Variants in ADAMTS2 observed in about 807,000 individuals in gnomAD.
ADAMTS2 encodes the protein A disintegrin and metalloproteinase with thrombospondin motifs 2.
In ADAMTS2, 50 loss-of-function variants were observed where a neutral mutation model predicts 123.0. The observed-to-expected ratio is 0.41, with a 90% CI of 0.32 to 0.51. ADAMTS2 has a LOEUF of 0.51. ADAMTS2 is among the 20% of genes least tolerant of loss of function. The probability of loss-of-function intolerance (pLI) is 0.35; values close to 1 mark genes in which losing one functional copy is unlikely to be tolerated. For missense variants in ADAMTS2, 1,494 were observed against 1,705.2 expected, an observed-to-expected ratio of 0.88 and a Z score of 2.18; for synonymous variants, 678 against 695.4, an observed-to-expected ratio of 0.98 and a Z score of 0.39.
chr5:179,119,394 C>T (rs1377962888), intron 21 of ADAMTS2, among the ~76,000 whole-genome samples: 6 of 152,242 alleles, frequency 3.9e-5, no homozygotes, highest in African/African-American at 1.4e-4. Flanking sequence ...GCCTTCCACG[C>T]TTTCTTCCCT....
chr5:179,231,031 G>A (rs907391181), intron 3 of ADAMTS2, among the ~76,000 whole-genome samples: 1 of 151,934 alleles, frequency 6.6e-6, no homozygotes, highest in Admixed American at 6.5e-5. Flanking sequence ...AGCCGGGGGG[G>A]CTACCAAAAG....
chr5:179,345,191 T>G lies in ADAMTS2; in HGVS notation c.138A>C (p.Pro46=). 2 of 1,108,074 alleles carry G rather than the reference T, an allele frequency of 1.8e-6. No individual in the cohort carries two copies. Among genetic ancestry groups the G allele is most frequent in the East Asian group, 5.9e-5 (1 of 16,932 alleles). The allele number at this position is 1,108,074 out of a possible 1,614,324, so 68.6% of individuals were successfully genotyped here. The change falls in exon 1 of 22, where the codon CCA becomes CCC. Residue 46 remains proline, a splice_region_variant and synonymous_variant. Coordinates refer to ENST00000251582, the MANE Select transcript of ADAMTS2 (RefSeq NM_014244.5). This position sits in a 1 kb window ranked among gnomAD's most constrained non-coding sequence, Gnocchi z 7.5. Reference sequence around the variant, plus strand: ...GAGTAGGGGCCGGGCCGCACCTACCTGGGGGGTCGGCGGCGGCGGCGAGCC... The same window carrying G: ...GAGTAGGGGCCGGGCCGCACCTACCGGGGGGGTCGGCGGCGGCGGCGAGCC... ...NARLAAAADP[P]GGPLGHGAER...
In ADAMTS2 at chr5:179,139,872, G is replaced by T. The variant is rs199809828; in HGVS notation, c.1775+18C>A. 1.2e-5 allele frequency: 19 copies of T among 1,611,626 alleles called. No homozygotes were observed. The Admixed American group carries it at 2.5e-4, about 21-fold the overall frequency. On this transcript the variant is annotated intron_variant, in intron 11 of 21. Coordinates refer to ENST00000251582, the MANE Select transcript of ADAMTS2 (RefSeq NM_014244.5). ...AGCTGCCACTCAGCAAGGCCAGGGG[G>T]ACATGGGGCCAACTCACTGTGGGTT...
chr5:179,228,397 T>G lies in ADAMTS2; in HGVS notation c.689-20682A>C, dbSNP rs1345545709. 6.6e-6 allele frequency among the ~76,000 whole-genome samples: 1 copy of G among 152,156 alleles called. No individual in the cohort carries two copies. On this transcript the variant is annotated intron_variant, in intron 3 of 21. Coordinates refer to ENST00000251582, the MANE Select transcript of ADAMTS2 (RefSeq NM_014244.5). The surrounding 1 kb of genome is among the most constrained non-coding windows in gnomAD (Gnocchi z 5.2). ...CCAGAACCCAGTCTGGGCACCAGCC[T>G]GTTTTCTTGTCCTCTCCAGCCAGCA...
intron 3 of ADAMTS2, among the ~76,000 whole-genome samples, chr5:179,243,038 G>T (rs1381166123): frequency 6.6e-6 from 1 of 151,960 alleles, no homozygotes; most frequent in Admixed American, 6.6e-5. Flanking sequence ...GCTACCTCCT[G>T]CCCAATACCT....
intron 21 of ADAMTS2, 54 bp downstream of exon 21, chr5:179,121,607 G>A (rs1252577749): frequency 1.4e-6 from 2 of 1,457,012 alleles, no homozygotes; most frequent in Non-Finnish European, 1.9e-6. Context: ...AAGCTCCACA[G>A]GGCGCAGGGC....
intron 2 of ADAMTS2, among the ~76,000 whole-genome samples, chr5:179,278,204 G>A (rs1184551442): frequency 7.0e-6 from 1 of 142,560 alleles, no homozygotes; most frequent in East Asian, 2.1e-4. Flanking sequence ...AAGACCATCA[G>A]CTGACGTCCT....
At chr5:179,299,486 A>AGTGAG (rs1756446004) in intron 2 of ADAMTS2, among the ~76,000 whole-genome samples, 3 of 145,614 alleles carry the variant, frequency 2.1e-5, no homozygotes, top group African/African-American at 5.1e-5. Context: ...CCAAGATCAC[A>AGTGAG]CCACAGCACT....
In ADAMTS2 at chr5:179,188,644, C is replaced by T. The variant is rs1206363305; in HGVS notation, c.892-7489G>A. Among the ~76,000 whole-genome samples, 2 of 152,150 alleles carry T rather than the reference C, an allele frequency of 1.3e-5. No homozygotes were observed. Among genetic ancestry groups the T allele is most frequent in the African/African-American group, 4.8e-5 (2 of 41,428 alleles). On this transcript the variant is annotated intron_variant, in intron 4 of 21. Transcript: ENST00000251582. The surrounding 1 kb of genome is among the most constrained non-coding windows in gnomAD (Gnocchi z 5.1). ...AGGATCAGAATTACTAGGCTCAGTTCATACATCAAAAAGTGAGGTGGTCAG... is the reference window on the plus strand; with the variant it reads ...AGGATCAGAATTACTAGGCTCAGTTTATACATCAAAAAGTGAGGTGGTCAG...
chr5:179,121,682 G>A lies in ADAMTS2; in HGVS notation c.3157C>T (p.Pro1053Ser), dbSNP rs1416040879. Reference sequence around the variant, plus strand: ...TTACTTGACGAGATCTTCCGGATGGGCGAGTCGGGGTCCGGGCGGGACAGC... The same window carrying A: ...TTACTTGACGAGATCTTCCGGATGGACGAGTCGGGGTCCGGGCGGGACAGC... ...QWLSRPDPDS[P>S]IRKISSKGHC... Residue 1053 changes from proline (P) to serine (S), a missense_variant, in exon 21 of 22, where the codon CCC becomes TCC. Pro to Ser is a moderately conservative substitution (Grantham distance 74). This residue lies in a region of ADAMTS2 where 953 missense variants were observed against 1,124.7 expected (regional missense o/e 0.85). Transcript: ENST00000251582. The A allele has an allele frequency of 1.3e-6, 2 of 1,599,310 alleles. No individual in the cohort carries two copies. Among genetic ancestry groups the A allele is most frequent in the South Asian group, 1.1e-5 (1 of 87,994 alleles).
At chr5:179,301,845 G>A (rs1210413733) in intron 2 of ADAMTS2, among the ~76,000 whole-genome samples, 6 of 152,272 alleles carry the variant, frequency 3.9e-5, no homozygotes, top group Non-Finnish European at 7.3e-5. Context: ...AAGAAGGAGT[G>A]CAGCCGGAGA....
intron 2 of ADAMTS2, among the ~76,000 whole-genome samples, chr5:179,288,492 CA>C (rs1011439596): frequency 2.0e-5 from 3 of 152,228 alleles, no homozygotes; most frequent in Non-Finnish European, 2.9e-5. Flanking sequence ...TGCAGGCCTT[CA>C]GACACTGCCC....
At chr5:179,306,261 G>A (rs562106021) in intron 2 of ADAMTS2, among the ~76,000 whole-genome samples, 2 of 152,226 alleles carry the variant, frequency 1.3e-5, no homozygotes, top group East Asian at 1.9e-4. Flanking sequence ...AAACAGCAGA[G>A]TGCACAACAG....
At position 179,268,271 on chromosome 5, in the gene ADAMTS2, C is replaced by T. The variant is rs371457639; in HGVS notation, c.688+4640G>A. Among the ~76,000 whole-genome samples the T allele has an allele frequency of 9.8e-5, 15 of 152,358 alleles. No homozygotes were observed. The East Asian group carries it at 1.2e-3, about 12-fold the overall frequency. On this transcript the variant is annotated intron_variant, in intron 3 of 21. Coordinates refer to ENST00000251582, the MANE Select transcript of ADAMTS2 (RefSeq NM_014244.5). ...ACCACGTGTGGCTGCATTCCCACTG[C>T]TGTTTCTTTTTAGTGGAGATGTATT...
chr5:179,268,617 G>A (rs1364670179), intron 3 of ADAMTS2, among the ~76,000 whole-genome samples: 7 of 152,248 alleles, frequency 4.6e-5, no homozygotes, highest in Non-Finnish European at 8.8e-5. Context: ...GGAGTCAGCC[G>A]CTCCAGGTCC....
At chr5:179,258,920 C>T (rs772784098) in intron 3 of ADAMTS2, among the ~76,000 whole-genome samples, 1 of 152,186 alleles carries the variant, frequency 6.6e-6, no homozygotes, top group East Asian at 1.9e-4. Context: ...CCTTCCTGCA[C>T]GATGGCGCTG....
Position 179,223,763 on chromosome 5 carries a change from GTGTA to G in ADAMTS2, c.689-16052_689-16049del, listed in dbSNP as rs551159533. On this transcript the variant is annotated intron_variant, in intron 3 of 21. Transcript: ENST00000251582. ...TGTGAGTGTATGTGAGTGCATGTGC[GTGTA>G]TGTGAGTCTATGGATGTGTGTGCAT... 1.2e-3 allele frequency among the ~76,000 whole-genome samples: 186 copies of G among 152,218 alleles called. 1 individual carries two copies. The highest frequency in any genetic ancestry group is 3.9e-3 in the African/African-American group (162 of 41,554).
At chr5:179,322,662 G>A (rs2113596125) in intron 2 of ADAMTS2, among the ~76,000 whole-genome samples, 1 of 152,356 alleles carries the variant, frequency 6.6e-6, no homozygotes, top group Middle Eastern at 3.4e-3. Context: ...CAGGACTGAA[G>A]GCCCCTCTGG....
intron 3 of ADAMTS2, among the ~76,000 whole-genome samples, chr5:179,257,790 C>CAGCACTG (rs1182334844): frequency 1.3e-5 from 2 of 152,232 alleles, no homozygotes; most frequent in Non-Finnish European, 2.9e-5. Flanking sequence ...TGAAGGTCCC[C>CAGCACTG]AGCACTGAGG....
Sources: gnomAD v4.1 joint callset for allele counts (sites outside exome capture counted in the v4.1 genomes callset) on GRCh38, gnomAD v4.1.1 for gene constraint, gnomAD v4.1.1 regional missense constraint, Gnocchi (gnomAD v3.1) non-coding constraint, MANE v1.5 for transcripts, NCBI Gene and HGNC (gene_info 2026-07-23, HGNC 2026-07-21) for gene names.